The following PPP1R13L variants were observed in gnomAD, a reference collection of about 807,000 sequenced individuals.
PPP1R13L encodes the protein protein phosphatase 1 regulatory subunit 13 like, also known as relA-associated inhibitor.
Under a neutral mutation model 80.9 loss-of-function variants are expected in PPP1R13L, and 50 were observed. The observed-to-expected ratio is 0.62, with a 90% CI of 0.49 to 0.78. The LOEUF (loss-of-function observed/expected upper bound fraction) is 0.78, where lower values mean the gene tolerates loss of function less well. Among genes scored for constraint, PPP1R13L ranks in the 30% least tolerant of loss-of-function variants. The pLI is 0.00. For missense variants in PPP1R13L, 1,200 were observed against 1,205.9 expected (o/e 1.00, Z 0.07); for synonymous variants, 602 against 534.3 (o/e 1.13, Z -1.75).
rs775483186 is a variant in PPP1R13L, at chr19:45,398,163, T to C, written c.56-16A>G. The C allele has an allele frequency of 4.3e-6, 7 of 1,613,034 alleles. No homozygotes were observed. The highest frequency in any genetic ancestry group is 5.9e-6 in the Non-Finnish European group (7 of 1,179,322). Reference sequence around the variant, plus strand: ...ATGGCCAGCGCTGGGAAGGTGGGAGTGGAGGTAAGGACCTGGCCTCCTGGC... The same window carrying C: ...ATGGCCAGCGCTGGGAAGGTGGGAGCGGAGGTAAGGACCTGGCCTCCTGGC... On this transcript the variant is annotated splice_polypyrimidine_tract_variant and intron_variant, in intron 2 of 12. Coordinates refer to ENST00000360957, the MANE Select transcript of PPP1R13L (RefSeq NM_006663.4).
At position 45,382,541 on chromosome 19, in the gene PPP1R13L, G is replaced by A. The variant is rs763548265; in HGVS notation, c.2434C>T (p.Arg812Trp). 57 of 1,612,584 alleles carry A rather than the reference G, an allele frequency of 3.5e-5. No homozygotes were observed. Among genetic ancestry groups the A allele is most frequent in the Non-Finnish European group, 4.7e-5 (55 of 1,179,450 alleles). The change falls in exon 12 of 13, where the codon CGG becomes TGG. Residue 812 changes from arginine to tryptophan, a missense_variant. Physicochemically the swap from Arg to Trp is moderately radical, Grantham distance 101 (BLOSUM62 -3). Around this residue, in one of 5 missense-constraint regions of PPP1R13L, gnomAD observed 165 missense variants for 177.1 expected, o/e 0.93. Transcript: ENST00000360957. ...ALHGQEGYVP[R>W]NYFGLFPRVK... ...CCTGGGCTCACCCCGAAGTAGTTCC[G>A]CGGCACGTAGCCCTCCTGGCCGTGC...
chr19:45,398,347 G>C lies in PPP1R13L; in HGVS notation c.-21-8C>G. ...GCCGGCCGGAGCGGGCGCCTGCATGGTGGGGAGGGAGGGAGCTGGCTAAGA... is the reference window on the plus strand; with the variant it reads ...GCCGGCCGGAGCGGGCGCCTGCATGCTGGGGAGGGAGGGAGCTGGCTAAGA... On this transcript the variant is annotated splice_region_variant and splice_polypyrimidine_tract_variant and intron_variant, in intron 1 of 12. Coordinates refer to ENST00000360957, the MANE Select transcript of PPP1R13L (RefSeq NM_006663.4). 6.2e-7 allele frequency: 1 copy of C among 1,612,326 alleles called. No individual in the cohort carries two copies. The highest frequency in any genetic ancestry group is 1.7e-5 in the Admixed American group (1 of 59,970).
rs552365541 is a variant in PPP1R13L at position 45,398,040 on chromosome 19, C to G, written c.163G>C (p.Ala55Pro). The change falls in exon 3 of 13, where the codon GCG becomes CCG. Residue 55 changes from alanine (A) to proline (P), a missense_variant. By Grantham distance (27) the Ala-to-Pro change is conservative (BLOSUM62 -1). Transcript: ENST00000360957. ...QLESLWSDSPAPPGPQAGPPS... is the reference protein window; with the variant it reads ...QLESLWSDSPPPPGPQAGPPS... ...GGTCCGGCCTGCGGGCCAGGAGGCG[C>G]GGGAGAGTCTGACCACAGCGACTCC... The G allele has an allele frequency of 6.2e-7, 1 of 1,613,906 alleles. No homozygotes were observed. The highest frequency in any genetic ancestry group is 1.1e-5 in the South Asian group (1 of 91,064).
chr19:45,404,772 C>G (rs1241738955), intron 1 of PPP1R13L, among the ~76,000 whole-genome samples: 2 of 152,162 alleles, frequency 1.3e-5, no homozygotes, highest in Non-Finnish European at 2.9e-5. Flanking sequence ...CCAACGTCTC[C>G]CCGGGATGAA....
At chr19:45,380,380 C>G in intron 12 of PPP1R13L, 152 bp from the exon 13 acceptor site, 1 of 792,856 alleles carries the variant, frequency 1.3e-6, no homozygotes, top group Non-Finnish European at 2.1e-6. Flanking sequence ...GTGTCACCTC[C>G]AAGAACCAGA....
At chr19:45,393,380 C>A (rs1435129593) in intron 7 of PPP1R13L, among the ~76,000 whole-genome samples, 1 of 148,252 alleles carries the variant, frequency 6.7e-6, no homozygotes, top group Non-Finnish European at 1.5e-5. Context: ...CACCTGAGGT[C>A]AGGGGTTCGA....
At chr19:45,397,964 GA>G (rs1973146217) in intron 3 of PPP1R13L, 40 bp downstream of exon 3, 1 of 1,583,788 alleles carries the variant, frequency 6.3e-7, no homozygotes, top group South Asian at 1.1e-5. Context: ...GGACTGTGGC[GA>G]GAGGCTGGCT....
chr19:45,388,199 G>T (rs1243703838), intron 8 of PPP1R13L, among the ~76,000 whole-genome samples: 1 of 151,854 alleles, frequency 6.6e-6, no homozygotes, highest in Non-Finnish European at 1.5e-5. Context: ...AGACTAGAAG[G>T]AAATATTCAA....
At position 45,396,482 on chromosome 19, in the gene PPP1R13L, C is replaced by G; in HGVS notation, c.713-46G>C. The stretch of plus-strand genomic sequence containing the variant: ...AGGATGAGACGGGAGGGGTGGCGAG[C>G]CCCGGATCCTGCCCGCTTTGACCCC... On this transcript the variant is annotated intron_variant, in intron 4 of 12. Transcript: ENST00000360957. The surrounding 1 kb of genome is among the most constrained non-coding windows in gnomAD (Gnocchi z 5.3). 1 of 1,611,668 alleles carries G rather than the reference C, an allele frequency of 6.2e-7. No individual in the cohort carries two copies. Among genetic ancestry groups the G allele is most frequent in the Non-Finnish European group, 8.5e-7 (1 of 1,179,256 alleles).
At position 45,382,997 on chromosome 19, in the gene PPP1R13L, T is replaced by TTTC. The variant is rs941645297; in HGVS notation, c.2249-272_2249-271insGAA. On this transcript the variant is annotated intron_variant, in intron 11 of 12. Coordinates refer to ENST00000360957, the MANE Select transcript of PPP1R13L (RefSeq NM_006663.4). Reference sequence around the variant, plus strand: ...CAGAGGCTCCCATTTCTTTTCTTTCTTTTTTTTTTTTTTTTGAGACAGAGT... The same window carrying TTTC: ...CAGAGGCTCCCATTTCTTTTCTTTCTTTCTTTTTTTTTTTTTTTGAGACAGAGT... Among the ~76,000 whole-genome samples, 5 of 22,842 alleles carry TTTC rather than the reference T, an allele frequency of 2.2e-4. No individual in the cohort carries two copies. The African/African-American group carries it at 6.0e-3, about 27-fold the overall frequency. 15.0% of individuals were successfully genotyped at this position (22,842 alleles called of 152,430 possible). A position where few individuals can be genotyped will look rare whatever the true frequency, so the allele number is the denominator to read the frequency against.
At chr19:45,400,760 ATTTTTTTTTTTT>A (rs887299061) in intron 1 of PPP1R13L, among the ~76,000 whole-genome samples, 4 of 25,966 alleles carry the variant, frequency 1.5e-4, no homozygotes, top group Non-Finnish European at 1.7e-4. Context: ...CACCCAGCTA[ATTTTTTTTTTTT>A]TTTTTTTTTT....
chr19:45,399,229 C>T (rs1599778124), intron 1 of PPP1R13L, among the ~76,000 whole-genome samples: 1 of 149,434 alleles, frequency 6.7e-6, no homozygotes, highest in East Asian at 2.0e-4. Flanking sequence ...AGGCGTGAGC[C>T]ACCGCGCCCG....
intron 8 of PPP1R13L, 36 bp from the exon 9 acceptor site, chr19:45,386,216 G>A: frequency 6.8e-7 from 1 of 1,473,320 alleles, no homozygotes; most frequent in Non-Finnish European, 8.9e-7. Flanking sequence ...CGACTTGGAG[G>A]GATTGTTAGT....
chr19:45,401,636 C>T (rs1973235246), intron 1 of PPP1R13L, among the ~76,000 whole-genome samples: 1 of 152,118 alleles, frequency 6.6e-6, no homozygotes, highest in Admixed American at 6.6e-5. Flanking sequence ...AGTTCTGAGT[C>T]CAAGATTCTA....
In PPP1R13L at chr19:45,387,501, G is replaced by C. The variant is rs143950554; in HGVS notation, c.1816-1321C>G. ...AAATTGCTGAGGGGCCAGGACTTTGGAATCCAAAGATTCTATGATGGAGAA... is the reference window on the plus strand; with the variant it reads ...AAATTGCTGAGGGGCCAGGACTTTGCAATCCAAAGATTCTATGATGGAGAA... On this transcript the variant is annotated intron_variant, in intron 8 of 12. Transcript: ENST00000360957. 8.7e-4 allele frequency among the ~76,000 whole-genome samples: 132 copies of C among 152,278 alleles called. 2 individuals are homozygous for C. Among genetic ancestry groups the C allele is most frequent in the Middle Eastern group, 3.4e-3 (1 of 294 alleles).
In PPP1R13L at chr19:45,385,898, G is replaced by A. The variant is rs140130206; in HGVS notation, c.2007C>T (p.Cys669=). Residue 669 remains cysteine, a synonymous_variant, in exon 10 of 13, where the codon TGC becomes TGT. Transcript: ENST00000360957. The part of the protein sequence containing the change: ...EGITALHNAI[C]GANYSIVDFL... ...AATCCACGATAGAGTAGTTGGCGCC[G>A]CAGATGGCGTTGTGCAAGGCAGTGA... 1.2e-5 allele frequency: 20 copies of A among 1,611,098 alleles called. No homozygotes were observed. The African/African-American group carries it at 2.0e-4, about 16-fold the overall frequency.
In PPP1R13L at chr19:45,396,814, C is replaced by G. The variant is rs1023843375; in HGVS notation, c.443G>C (p.Gly148Ala). The G allele has an allele frequency of 4.9e-6, 7 of 1,440,378 alleles. No individual in the cohort carries two copies. In the African/African-American group the frequency reaches 1.0e-4, roughly 21 times the overall value. The allele number at this position is 1,440,378 out of a possible 1,614,324, so 89.2% of individuals were successfully genotyped here. A position where few individuals can be genotyped will look rare whatever the true frequency, so the allele number is the denominator to read the frequency against. ...CGCACGGCCGAGGGAGCTGCCTGCG[C>G]CATCGAAGGCGCGGGGCCGGGGCGA... Reference protein sequence around the residue: ...ATSPRPRAFDGAGSSLGRAPS... With the variant: ...ATSPRPRAFDAAGSSLGRAPS... The change falls in exon 4 of 13, where the codon GGC becomes GCC. Residue 148 changes from glycine to alanine, a missense_variant. Gly to Ala is a moderately conservative substitution (Grantham distance 60). Transcript: ENST00000360957. This position sits in a 1 kb window ranked among gnomAD's most constrained non-coding sequence, Gnocchi z 5.3.
At chr19:45,390,013 T>A (rs1264974140) in intron 8 of PPP1R13L, among the ~76,000 whole-genome samples, 2 of 151,954 alleles carry the variant, frequency 1.3e-5, no homozygotes, top group Admixed American at 1.3e-4. Flanking sequence ...AGGATGGTCT[T>A]ATCTCCTGAC....
At chr19:45,389,858 C>T (rs1300174446) in intron 8 of PPP1R13L, among the ~76,000 whole-genome samples, 2 of 151,860 alleles carry the variant, frequency 1.3e-5, no homozygotes, top group East Asian at 1.9e-4. Flanking sequence ...TGCAGTGGCG[C>T]GATCTCAGCT....
Sources: allele counts gnomAD v4.1 joint callset (sites outside exome capture counted in the v4.1 genomes callset), GRCh38; gene constraint gnomAD v4.1.1; regional missense constraint gnomAD v4.1.1; non-coding constraint Gnocchi (gnomAD v3.1); transcripts MANE v1.5; gene names NCBI Gene and HGNC (gene_info 2026-07-23, HGNC 2026-07-21).